PAPLN: variants seen among roughly 807,000 people sequenced by gnomAD.
PAPLN encodes papilin.
In PAPLN, 146 loss-of-function variants were observed where a neutral mutation model predicts 159.0. The ratio of observed to expected loss-of-function variants is 0.92; its 90% CI spans 0.80 to 1.05. PAPLN has a LOEUF of 1.05. Ranked by LOEUF, PAPLN falls within the 50% of genes least tolerant of loss-of-function variation. The pLI is 0.00. For synonymous variants in PAPLN, 734 were observed against 702.9 expected (o/e 1.04, Z -0.70); for missense variants, 1,720 against 1,743.9 (o/e 0.99, Z 0.24).
upstream of PAPLN, among the ~76,000 whole-genome samples, chr14:73,236,858 G>A (rs1883061791): frequency 1.4e-5 from 2 of 139,360 alleles, no homozygotes; most frequent in South Asian, 4.5e-4. Flanking sequence ...TAGAAAGAAA[G>A]AAAAGAAAGA....
intron 18 of PAPLN, among the ~76,000 whole-genome samples, chr14:73,261,690 AG>A (rs1886604808): frequency 1.3e-5 from 2 of 152,120 alleles, no homozygotes; most frequent in Admixed American, 6.5e-5. Flanking sequence ...GAGGGAGGGT[AG>A]GGGTCAGGGA....
chr14:73,254,089 A>G, intron 12 of PAPLN, 128 bp downstream of exon 12: 1 of 1,078,290 alleles, frequency 9.3e-7, no homozygotes, highest in Non-Finnish European at 1.3e-6. Flanking sequence ...TCATCTTGGA[A>G]GCTGTGGCCA....
chr14:73,263,377 C>T (rs1886799596), intron 19 of PAPLN: 2 of 553,512 alleles, frequency 3.6e-6, no homozygotes, highest in South Asian at 2.3e-5. Context: ...CCCGACCTCT[C>T]CCCACCCCTT....
chr14:73,258,188 C>G (rs574879868), intron 14 of PAPLN, among the ~76,000 whole-genome samples: 2 of 152,016 alleles, frequency 1.3e-5, no homozygotes, highest in Non-Finnish European at 2.9e-5. Flanking sequence ...TGGTATTTAG[C>G]GCATTATTTC....
rs762810989 is a variant in PAPLN, at chr14:73,265,525, C to T, written c.3263+18C>T. The T allele has an allele frequency of 1.4e-5, 23 of 1,611,396 alleles. No homozygotes were observed. Among genetic ancestry groups the T allele is most frequent in the Non-Finnish European group, 2.0e-5 (23 of 1,178,706 alleles). ...TCTCCCAGGTTTATTTGACTCCTCT[C>T]CCCTTCCTCCTATTCTGCCTCCAGC... On this transcript the variant is annotated intron_variant, in intron 23 of 26. Transcript: ENST00000644200. The surrounding 1 kb of genome is among the most constrained non-coding windows in gnomAD (Gnocchi z 4.1).
intron 12 of PAPLN, 82 bp from the exon 13 acceptor site, chr14:73,254,431 G>C: frequency 1.9e-6 from 3 of 1,547,972 alleles, no homozygotes; most frequent in Non-Finnish European, 2.6e-6. Flanking sequence ...CTCCACACCA[G>C]GCTGGTGGGC....
intron 26 of PAPLN, among the ~76,000 whole-genome samples, chr14:73,271,200 T>C (rs531022351): frequency 3.9e-5 from 6 of 152,320 alleles, no homozygotes; most frequent in Non-Finnish European, 8.8e-5. Context: ...GGTCTTGGGC[T>C]GTACCAGCTC....
intron 14 of PAPLN, 58 bp from the exon 15 acceptor site, chr14:73,258,921 C>G: frequency 6.0e-6 from 9 of 1,494,048 alleles, no homozygotes; most frequent in Non-Finnish European, 8.1e-6. Context: ...GGCCACAGCT[C>G]AGGTCCATCC....
chr14:73,267,439 A>G (rs1887336231), intron 25 of PAPLN, among the ~76,000 whole-genome samples: 1 of 152,208 alleles, frequency 6.6e-6, no homozygotes, highest in African/African-American at 2.4e-5. Flanking sequence ...CAGATGGCCC[A>G]GTGTCCCAGG....
chr14:73,263,914 G>A, intron 20 of PAPLN, 132 bp downstream of exon 20: 2 of 1,236,036 alleles, frequency 1.6e-6, no homozygotes, highest in South Asian at 1.3e-5. Context: ...ACAGGTGTGT[G>A]TGACAGCCCC....
chr14:73,272,501 C>T lies in PAPLN; in HGVS notation c.3674C>T (p.Thr1225Ile). ...TEVKVVSPAP[T>I]AQPRDPGRDC... ...CTCCCCTGTCGTTCTGCAGCACCCA[C>T]CGCCCAGCCCAGGGACCCTGGCAGG... The change falls in exon 27 of 27, where the codon ACC becomes ATC. Residue 1225 changes from threonine (T) to isoleucine (I), a missense_variant. By Grantham distance (89) the Thr-to-Ile change is moderately conservative. Transcript: ENST00000644200. 1 of 1,538,652 alleles carries T rather than the reference C, an allele frequency of 6.5e-7. No homozygotes were observed. The highest frequency in any genetic ancestry group is 1.4e-5 in the African/African-American group (1 of 73,454).
rs1429312226 is a variant in PAPLN at position 73,246,445 on chromosome 14, G to A, written c.334+270G>A. Among the ~76,000 whole-genome samples, 4 of 131,354 alleles carry A rather than the reference G, an allele frequency of 3.0e-5. No homozygotes were observed. In the Admixed American group the frequency reaches 3.5e-4, roughly 12 times the overall value. The allele number at this position is 131,354 out of a possible 152,430, so 86.2% of individuals were successfully genotyped here. A position where few individuals can be genotyped will look rare whatever the true frequency, so the allele number is the denominator to read the frequency against. ...TTTTTTTGGGTGGGCGCGGGGGCTC[G>A]CAATGTACAGGAAATCTTGTAGACC... On this transcript the variant is annotated intron_variant, in intron 5 of 26. Transcript: ENST00000644200.
chr14:73,260,597 C>A, intron 16 of PAPLN, 112 bp from the exon 17 acceptor site: 2 of 1,320,246 alleles, frequency 1.5e-6, no homozygotes, highest in East Asian at 2.8e-5. Context: ...CTCTCCCCCC[C>A]AGGTCCCCAC....
chr14:73,253,310 G>A, intron 11 of PAPLN: 1 of 1,245,234 alleles, frequency 8.0e-7, no homozygotes. Context: ...CTCCTGGGAT[G>A]GTGGCGGACT....
chr14:73,255,315 T>C (rs1566689931), intron 14 of PAPLN, among the ~76,000 whole-genome samples: 1 of 152,154 alleles, frequency 6.6e-6, no homozygotes, highest in African/African-American at 2.4e-5. Flanking sequence ...TGTGCTGCTG[T>C]GGTTGTATAC....
intron 2 of PAPLN, chr14:73,242,505 T>G (rs1328705206): frequency 6.6e-6 from 1 of 152,172 alleles, no homozygotes; most frequent in Non-Finnish European, 1.5e-5. Flanking sequence ...TGAAGACCTC[T>G]CCTGAATACT....
chr14:73,253,818 G>C lies in PAPLN; in HGVS notation c.1159G>C (p.Val387Leu). ...SCGGGSQSRS[V>L]YCISSDGAGI... The stretch of plus-strand genomic sequence containing the variant: ...TGGAGGAGGCTCCCAGTCCCGCTCC[G>C]TGTACTGCATCTCGTCTGACGGGGC... The change falls in exon 12 of 27, where the codon GTG becomes CTG. Residue 387 changes from valine (V) to leucine (L), a missense_variant. Val to Leu is a conservative substitution (Grantham distance 32, BLOSUM62 1). Transcript: ENST00000644200. The C allele has an allele frequency of 8.1e-6, 13 of 1,613,626 alleles. No individual in the cohort carries two copies. The highest frequency in any genetic ancestry group is 1.1e-5 in the Non-Finnish European group (13 of 1,179,906).
At chr14:73,256,173 T>C (rs1261465305) in intron 14 of PAPLN, among the ~76,000 whole-genome samples, 1 of 152,116 alleles carries the variant, frequency 6.6e-6, no homozygotes, top group African/African-American at 2.4e-5. Flanking sequence ...CCCAGGGCCT[T>C]GTTGGCTTCT....
At position 73,265,516 on chromosome 14, in the gene PAPLN, G is replaced by A. The variant is rs1887132266; in HGVS notation, c.3263+9G>A. ...CCTGTCTCTTCTCCCAGGTTTATTT[G>A]ACTCCTCTCCCCTTCCTCCTATTCT... On this transcript the variant is annotated intron_variant, in intron 23 of 26. Transcript: ENST00000644200. The surrounding 1 kb of genome is among the most constrained non-coding windows in gnomAD (Gnocchi z 4.1). 6.2e-7 allele frequency: 1 copy of A among 1,612,922 alleles called. No individual in the cohort carries two copies. Among genetic ancestry groups the A allele is most frequent in the South Asian group, 1.1e-5 (1 of 90,978 alleles).
Sources: allele counts gnomAD v4.1 joint callset (sites outside exome capture counted in the v4.1 genomes callset), GRCh38; gene constraint gnomAD v4.1.1; non-coding constraint Gnocchi (gnomAD v3.1); transcripts MANE v1.5; gene names NCBI Gene and HGNC (gene_info 2026-07-23, HGNC 2026-07-21).